Variants in MSANTD5 observed in about 807,000 individuals in gnomAD.
MSANTD5 encodes uncharacterized protein MSANTD5.
chr5:178,705,417 C>T, the MSANTD5 span, among the ~76,000 whole-genome samples: 1 of 152,236 alleles, frequency 6.6e-6, no homozygotes, highest in South Asian at 2.1e-4. Context: ...AGCTCAGGCA[C>T]ATCCTCTGCT....
intron 1 of MSANTD5, among the ~76,000 whole-genome samples, chr5:178,696,999 C>T (rs1354696400): frequency 6.6e-6 from 1 of 152,082 alleles, no homozygotes; most frequent in Non-Finnish European, 1.5e-5. Flanking sequence ...CTGCCTAGTC[C>T]AAGGGGCTTT....
the MSANTD5 span, among the ~76,000 whole-genome samples, chr5:178,703,041 C>T: frequency 2.0e-5 from 3 of 152,228 alleles, no homozygotes; most frequent in African/African-American, 7.2e-5. Flanking sequence ...GCCAAAGACA[C>T]ACGAGAGAGC....
At chr5:178,691,949 C>T (rs1389704953), downstream of MSANTD5, among the ~76,000 whole-genome samples, 4 of 134,618 alleles carry the variant, frequency 3.0e-5, 1 homozygote, top group Non-Finnish European at 5.0e-5. Flanking sequence ...CCATTCTATT[C>T]GCCTTTTAAT....
upstream of MSANTD5, among the ~76,000 whole-genome samples, chr5:178,699,434 C>CTTTTT (rs36114750): frequency 2.0e-5 from 3 of 148,654 alleles, no homozygotes; most frequent in Non-Finnish European, 4.5e-5. Context: ...TTCTTTCCTT[C>CTTTTT]TTTTTTTTTT....
upstream of MSANTD5, among the ~76,000 whole-genome samples, chr5:178,702,217 A>C (rs941075885): frequency 6.6e-6 from 1 of 152,016 alleles, no homozygotes; most frequent in Non-Finnish European, 1.5e-5. Context: ...AAATCGATCT[A>C]AGAGCAATGA....
chr5:178,706,540 C>A, the MSANTD5 span, among the ~76,000 whole-genome samples: 1 of 151,856 alleles, frequency 6.6e-6, no homozygotes, highest in East Asian at 1.9e-4. Context: ...ATAACTTTGC[C>A]TCCTTGCCCT....
At chr5:178,705,157 T>C in the MSANTD5 span, among the ~76,000 whole-genome samples, 1 of 152,064 alleles carries the variant, frequency 6.6e-6, no homozygotes, top group Admixed American at 6.5e-5. Context: ...CAAGCAATTC[T>C]CCTTCCTCAG....
downstream of MSANTD5, among the ~76,000 whole-genome samples, chr5:178,693,519 C>T (rs1389187284): frequency 6.6e-6 from 1 of 152,024 alleles, no homozygotes; most frequent in Non-Finnish European, 1.5e-5. Context: ...AGCCACGTAC[C>T]TTCACCGCGG....
chr5:178,691,954 T>G (rs1765361277), downstream of MSANTD5, among the ~76,000 whole-genome samples: 1 of 134,886 alleles, frequency 7.4e-6, no homozygotes, highest in African/African-American at 2.7e-5. Context: ...CTATTCGCCT[T>G]TTAATGAATA....
In MSANTD5 at chr5:178,697,342, T is replaced by C. The variant is rs564443986; in HGVS notation, c.6+244A>G. Among the ~76,000 whole-genome samples, 361 of 151,880 alleles carry C rather than the reference T, an allele frequency of 2.4e-3. 1 individual carries two copies. Among genetic ancestry groups the C allele is most frequent in the African/African-American group, 7.9e-3 (324 of 41,260 alleles). On this transcript the variant is annotated intron_variant, in intron 1 of 3. Transcript: ENST00000648368. ...GGTGGCGGGCGCCTGTAGTCCCAGCTACTCGGGAGGCTGAGGCAGGAGAAT... is the reference window on the plus strand; with the variant it reads ...GGTGGCGGGCGCCTGTAGTCCCAGCCACTCGGGAGGCTGAGGCAGGAGAAT...
At chr5:178,694,372 A>C (rs1479745622), downstream of MSANTD5, among the ~76,000 whole-genome samples, 1 of 151,292 alleles carries the variant, frequency 6.6e-6, no homozygotes, top group Non-Finnish European at 1.5e-5. Context: ...AAATGAAGGC[A>C]GGATTGAGCA....
downstream of MSANTD5, among the ~76,000 whole-genome samples, chr5:178,693,469 C>A (rs1209808293): frequency 6.6e-6 from 1 of 151,980 alleles, no homozygotes; most frequent in African/African-American, 2.4e-5. Flanking sequence ...GGAGTTTCTG[C>A]CTTCCAGTGG....
At chr5:178,697,298 C>CA (rs1212376009) in intron 1 of MSANTD5, among the ~76,000 whole-genome samples, 32 of 149,596 alleles carry the variant, frequency 2.1e-4, no homozygotes, top group Non-Finnish European at 3.4e-4. Flanking sequence ...ACTAAAAATA[C>CA]AAAAAATTAG....
At chr5:178,707,042 T>G in the MSANTD5 span, 1 of 152,210 alleles carries the variant, frequency 6.6e-6, no homozygotes. Flanking sequence ...AGTTGTGACT[T>G]CAGTTCTCAG....
At chr5:178,707,303 C>G in the MSANTD5 span, 1 of 152,088 alleles carries the variant, frequency 6.6e-6, no homozygotes, top group Non-Finnish European at 1.5e-5. Context: ...TTCATGATGA[C>G]TTCAGTGTCA....
At chr5:178,697,849 A>G (rs1765436130), upstream of MSANTD5, among the ~76,000 whole-genome samples, 1 of 152,236 alleles carries the variant, frequency 6.6e-6, no homozygotes, top group African/African-American at 2.4e-5. Flanking sequence ...TTAACTAAAG[A>G]TAAACTAATT....
the MSANTD5 span, among the ~76,000 whole-genome samples, chr5:178,705,170 T>C: frequency 1.3e-5 from 2 of 152,096 alleles, no homozygotes; most frequent in South Asian, 4.2e-4. Flanking sequence ...TTCCTCAGCA[T>C]CCCCAGTAGC....
chr5:178,707,232 A>C, the MSANTD5 span: 1 of 152,168 alleles, frequency 6.6e-6, no homozygotes, highest in African/African-American at 2.4e-5. Flanking sequence ...ATGACAACAG[A>C]ATCACAAAAG....
chr5:178,698,128 G>C (rs1267457591), upstream of MSANTD5, among the ~76,000 whole-genome samples: 1 of 152,204 alleles, frequency 6.6e-6, no homozygotes, highest in Non-Finnish European at 1.5e-5. Context: ...CTAGGCTTCA[G>C]CTGGTTGAGG....
Sources: gnomAD v4.1 joint callset for allele counts (sites outside exome capture counted in the v4.1 genomes callset) on GRCh38, gnomAD v4.1.1 for gene constraint, MANE v1.5 for transcripts, NCBI Gene and HGNC (gene_info 2026-07-23, HGNC 2026-07-21) for gene names.